CACNA1S: variants seen among roughly 807,000 people sequenced by gnomAD.
CACNA1S encodes the protein voltage-dependent L-type calcium channel subunit alpha-1S.
CACNA1S carries 126 observed loss-of-function variants against 207.4 expected under a neutral mutation model. The observed-to-expected ratio is 0.61, with a 90% CI of 0.53 to 0.70. The LOEUF (loss-of-function observed/expected upper bound fraction) is 0.70. Ranked by LOEUF, CACNA1S falls within the 30% of genes least tolerant of loss-of-function variation. The pLI, the probability that CACNA1S is intolerant of heterozygous loss-of-function variation, is 0.00. For missense variants in CACNA1S, 2,349 were observed against 2,422.8 expected (o/e 0.97, Z 0.64); for synonymous variants, 960 against 932.7 (o/e 1.03, Z -0.53).
Position 201,087,908 on chromosome 1 carries a change from C to T in CACNA1S, c.922G>A (p.Glu308Lys). 1 of 1,613,084 alleles carries T rather than the reference C, an allele frequency of 6.2e-7. No homozygotes were observed. Among genetic ancestry groups the T allele is most frequent in the South Asian group, 1.1e-5 (1 of 90,962 alleles). Reference protein sequence around the residue: ...LYWVNDAIGNEWPWIYFVTLI... With the variant: ...LYWVNDAIGNKWPWIYFVTLI... Reference sequence around the variant, plus strand: ...GTGACAAAATAGATCCAGGGCCACTCATTCCCGATGGCATCATTGACCTGG... The same window carrying T: ...GTGACAAAATAGATCCAGGGCCACTTATTCCCGATGGCATCATTGACCTGG... Residue 308 changes from glutamate (E) to lysine (K), a missense_variant, in exon 7 of 44, where the codon GAG becomes AAG. Glu to Lys is a moderately conservative substitution (Grantham distance 56, BLOSUM62 1). Coordinates refer to ENST00000362061, the MANE Select transcript of CACNA1S (RefSeq NM_000069.3).
chr1:201,102,599 G>A (rs1343216378), intron 2 of CACNA1S, among the ~76,000 whole-genome samples: 1 of 152,182 alleles, frequency 6.6e-6, no homozygotes, highest in East Asian at 1.9e-4. Context: ...TCTGTGCGGA[G>A]CAGTCCATCA....
intron 22 of CACNA1S, among the ~76,000 whole-genome samples, chr1:201,064,607 G>T (rs948789542): frequency 6.6e-6 from 1 of 152,220 alleles, no homozygotes; most frequent in African/African-American, 2.4e-5. Flanking sequence ...ATGTAATTAT[G>T]ACTTTGAAAG....
At position 201,066,267 on chromosome 1, in the gene CACNA1S, G is replaced by A. The variant is rs367983954; in HGVS notation, c.2707C>T (p.Arg903Ter). 11 of 1,613,390 alleles carry A rather than the reference G, an allele frequency of 6.8e-6. No individual in the cohort carries two copies. The highest frequency in any genetic ancestry group is 2.2e-5 in the East Asian group (1 of 44,846). Reference protein sequence around the residue: ...VKILRVLRVLRPLRAINRAKG... With the variant: ...VKILRVLRVL Reference sequence around the variant, plus strand: ...GCTCTGTTGATGGCTCTGAGTGGTCGGAGCACCCTCAGCACCCTCAGGATC... The same window carrying A: ...GCTCTGTTGATGGCTCTGAGTGGTCAGAGCACCCTCAGCACCCTCAGGATC... The change falls in exon 21 of 44, where the codon CGA becomes TGA. Residue 903 changes from arginine to a stop codon, truncating the protein, a stop_gained. Coordinates refer to ENST00000362061, the MANE Select transcript of CACNA1S (RefSeq NM_000069.3). LOFTEE classifies it high-confidence loss of function. The surrounding 1 kb of genome is among the most constrained non-coding windows in gnomAD (Gnocchi z 4.3).
At chr1:201,052,248 G>A (rs769108004) in intron 32 of CACNA1S, among the ~76,000 whole-genome samples, 3 of 152,230 alleles carry the variant, frequency 2.0e-5, no homozygotes, top group Non-Finnish European at 4.4e-5. Flanking sequence ...GCAAATGTCC[G>A]GGAGAAGATA....
chr1:201,080,337 C>G (rs1040384079), intron 10 of CACNA1S, among the ~76,000 whole-genome samples: 1 of 152,134 alleles, frequency 6.6e-6, no homozygotes. Flanking sequence ...GGTGGCACTA[C>G]TAGCCATTTA....
rs573118171 is a variant in CACNA1S at position 201,041,714 on chromosome 1, G to A, written c.5049-125C>T. The A allele has an allele frequency of 3.4e-4, 257 of 745,374 alleles. 2 individuals carry two copies. The highest frequency in any genetic ancestry group is 1.5e-3 in the Middle Eastern group (6 of 3,956). 46.2% of individuals were successfully genotyped at this position (745,374 alleles called of 1,614,324 possible). On this transcript the variant is annotated intron_variant, in intron 40 of 43. Coordinates refer to ENST00000362061, the MANE Select transcript of CACNA1S (RefSeq NM_000069.3). Reference sequence around the variant, plus strand: ...ACAAGGCCAACCTAGTGTAGCAGCCGTGACTCTAGGGCTGACGTTTCCACC... The same window carrying A: ...ACAAGGCCAACCTAGTGTAGCAGCCATGACTCTAGGGCTGACGTTTCCACC...
In CACNA1S at chr1:201,072,792, A is replaced by G. The variant is rs745409908; in HGVS notation, c.2190T>C (p.Asn730=). Residue 730 remains asparagine (N), a synonymous_variant, in exon 16 of 44, where the codon AAT becomes AAC. Transcript: ENST00000362061. ...CTGAGGGGTAGGGATCCTTCACCTC[A>G]TTGACATTAGATTCAAACTCATCGA... The part of the protein sequence containing the change: ...LKIDEFESNV[N]EVKDPYPSAD... 1.9e-6 allele frequency: 3 copies of G among 1,613,942 alleles called. No homozygotes were observed. The highest frequency in any genetic ancestry group is 2.2e-5 in the South Asian group (2 of 91,078).
intron 3 of CACNA1S, 74 bp downstream of exon 3, chr1:201,093,808 C>T (rs1019134736): frequency 6.5e-7 from 1 of 1,548,854 alleles, no homozygotes. Flanking sequence ...CTCTAAGATG[C>T]TGGTGGTGGT....
intron 2 of CACNA1S, among the ~76,000 whole-genome samples, chr1:201,100,503 C>G (rs563039626): frequency 6.6e-6 from 1 of 152,234 alleles, no homozygotes; most frequent in African/African-American, 2.4e-5. Context: ...ATAGACGTAA[C>G]TGGAATGGGT....
Position 201,053,786 on chromosome 1 carries a change from G to A in CACNA1S, c.3667-199C>T, listed in dbSNP as rs1011445328. Among the ~76,000 whole-genome samples, 1 of 152,196 alleles carries A rather than the reference G, an allele frequency of 6.6e-6. No homozygotes were observed. Among genetic ancestry groups the A allele is most frequent in the Non-Finnish European group, 1.5e-5 (1 of 68,020 alleles). ...GGGCTCTGGGGCTGTTCAGCTGGGA[G>A]GCAGGGAAGAGGACGTGGGGCACCA... On this transcript the variant is annotated intron_variant, in intron 29 of 43. Transcript: ENST00000362061. This position sits in a 1 kb window ranked among gnomAD's most constrained non-coding sequence, Gnocchi z 5.1.
intron 5 of CACNA1S, among the ~76,000 whole-genome samples, chr1:201,090,236 G>T (rs574295955): frequency 6.6e-6 from 1 of 152,194 alleles, no homozygotes; most frequent in African/African-American, 2.4e-5. Flanking sequence ...GCCCCGATCC[G>T]AGAGGGGCTT....
In CACNA1S at chr1:201,066,980, C is replaced by G. The variant is rs752164314; in HGVS notation, c.2564G>C (p.Gly855Ala). ...GAAGGAACCCTTGTGCAGGAAGGCT[C>G]CGTAGGTCGTCATCTGGGGAGAAAG... ...VEIVLKMTTY[G>A]AFLHKGSFCR... The change falls in exon 20 of 44, where the codon GGA (glycine) becomes GCA (alanine). Residue 855 changes from glycine to alanine, a missense_variant. Coordinates refer to ENST00000362061, the MANE Select transcript of CACNA1S (RefSeq NM_000069.3). This position sits in a 1 kb window ranked among gnomAD's most constrained non-coding sequence, Gnocchi z 4.3. 1 of 1,613,618 alleles carries G rather than the reference C, an allele frequency of 6.2e-7. No individual in the cohort carries two copies. The highest frequency in any genetic ancestry group is 8.5e-7 in the Non-Finnish European group (1 of 1,179,666).
At chr1:201,099,115 TCTC>T (rs969294438) in intron 2 of CACNA1S, among the ~76,000 whole-genome samples, 9 of 152,340 alleles carry the variant, frequency 5.9e-5, no homozygotes, top group African/African-American at 1.9e-4. Context: ...CCTGAATACT[TCTC>T]CTCCCCTGGC....
chr1:201,089,142 TG>T, intron 6 of CACNA1S, 115 bp downstream of exon 6: 1 of 907,670 alleles, frequency 1.1e-6, no homozygotes, highest in Non-Finnish European at 1.8e-6. Flanking sequence ...GAGGGAGCTG[TG>T]GTCACGCAAG....
intron 2 of CACNA1S, among the ~76,000 whole-genome samples, chr1:201,108,552 C>T (rs1296142666): frequency 6.6e-6 from 1 of 152,144 alleles, no homozygotes; most frequent in Non-Finnish European, 1.5e-5. Flanking sequence ...GAGACTAACC[C>T]TATGGTGTAG....
At chr1:201,040,159 C>A (rs568586313) in intron 43 of CACNA1S, 72 bp downstream of exon 43, 1 of 1,611,804 alleles carries the variant, frequency 6.2e-7, no homozygotes, top group South Asian at 1.1e-5. Context: ...TGGCCCTACC[C>A]TCTCTCCACG....
In CACNA1S at chr1:201,044,401, G is replaced by A. The variant is rs1357198402; in HGVS notation, c.4724C>T (p.Ser1575Leu). Reference sequence around the variant, plus strand: ...CTCCTCCTCAGCAGCCAGGTCTCCTGAGACCGTGCGACAGATCTCGGGGGC... The same window carrying A: ...CTCCTCCTCAGCAGCCAGGTCTCCTAAGACCGTGCGACAGATCTCGGGGGC... ...EAAPEICRTVSGDLAAEEELE... is the reference protein window; with the variant it reads ...EAAPEICRTVLGDLAAEEELE... The change falls in exon 39 of 44, where the codon TCA becomes TTA. Residue 1575 changes from serine to leucine, a missense_variant. By Grantham distance (145) the Ser-to-Leu change is moderately radical (BLOSUM62 -2). Transcript: ENST00000362061. The A allele has an allele frequency of 1.2e-6, 2 of 1,613,682 alleles. No homozygotes were observed. The highest frequency in any genetic ancestry group is 2.2e-5 in the South Asian group (2 of 91,050).
In CACNA1S at chr1:201,089,454, G is replaced by A. The variant is rs1209511803; in HGVS notation, c.704C>T (p.Ala235Val). 10 of 1,613,828 alleles carry A rather than the reference G, an allele frequency of 6.2e-6. No individual in the cohort carries two copies. In the East Asian group the frequency reaches 1.8e-4, roughly 29 times the overall value. Residue 235 changes from alanine (A) to valine (V), a missense_variant, in exon 6 of 44, where the codon GCC becomes GTC. By Grantham distance (64) the Ala-to-Val change is moderately conservative. Transcript: ENST00000362061. ...CGATGGCTCTTCATTCTCCACCGTG[G>A]CCACGATATCTGGAGGCAGAAGGCA... ...TCYFIGTDIV[A>V]TVENEEPSPC...
At chr1:201,051,563 C>G (rs945294767) in intron 32 of CACNA1S, among the ~76,000 whole-genome samples, 1 of 152,184 alleles carries the variant, frequency 6.6e-6, no homozygotes, top group Admixed American at 6.5e-5. Flanking sequence ...AAAAGCAGCC[C>G]TTAGATTTCA....
Sources: allele counts gnomAD v4.1 joint callset (sites outside exome capture counted in the v4.1 genomes callset), GRCh38; gene constraint gnomAD v4.1.1; non-coding constraint Gnocchi (gnomAD v3.1); transcripts MANE v1.5; gene names NCBI Gene and HGNC (gene_info 2026-07-23, HGNC 2026-07-21).